Variants in ITGA8 observed in about 807,000 individuals in gnomAD.
ITGA8 encodes integrin alpha-8.
ITGA8 carries 91 observed loss-of-function variants against 142.3 expected under a neutral mutation model. The ratio of observed to expected loss-of-function variants is 0.64; its 90% CI spans 0.54 to 0.76. ITGA8 has a LOEUF of 0.76. Ranked by LOEUF, ITGA8 falls within the 30% of genes least tolerant of loss-of-function variation. The pLI is 0.00. For synonymous variants in ITGA8, 505 were observed against 485.2 expected (o/e 1.04, Z -0.54); for missense variants, 1,406 against 1,327.7 (o/e 1.06, Z -0.92).
intron 22 of ITGA8, 81 bp downstream of exon 22, chr10:15,592,144 G>A: frequency 1.0e-6 from 1 of 1,003,998 alleles, no homozygotes; most frequent in Non-Finnish European, 1.5e-6. Context: ...AAGGCCAAGG[G>A]CCTTGACAGA....
At chr10:15,553,499 C>T (rs958397999) in intron 26 of ITGA8, among the ~76,000 whole-genome samples, 6 of 152,048 alleles carry the variant, frequency 3.9e-5, no homozygotes, top group Non-Finnish European at 7.4e-5. Flanking sequence ...CTTTTAAAGC[C>T]ATTTTAACCA....
chr10:15,700,511 A>G (rs1835142234), intron 2 of ITGA8, among the ~76,000 whole-genome samples: 1 of 152,210 alleles, frequency 6.6e-6, no homozygotes, highest in African/African-American at 2.4e-5. Context: ...CGCAGTAAAC[A>G]TGCAAATAAG....
intron 2 of ITGA8, among the ~76,000 whole-genome samples, chr10:15,707,712 A>C (rs537498436): frequency 1.5e-4 from 22 of 151,528 alleles, no homozygotes; most frequent in Non-Finnish European, 3.1e-4. Flanking sequence ...AATCCCAGCT[A>C]CTCAGGAGGC....
intron 6 of ITGA8, among the ~76,000 whole-genome samples, chr10:15,677,062 C>T (rs1297882726): frequency 6.6e-6 from 1 of 152,088 alleles, no homozygotes; most frequent in East Asian, 1.9e-4. Flanking sequence ...TGCTTTTGTT[C>T]TCACTCATAC....
At chr10:15,676,296 C>A (rs997961164) in intron 6 of ITGA8, among the ~76,000 whole-genome samples, 7 of 152,188 alleles carry the variant, frequency 4.6e-5, no homozygotes, top group African/African-American at 1.7e-4. Context: ...TATGCAGCAC[C>A]TTAGCAAGAA....
chr10:15,677,866 T>G (rs1442533064), intron 5 of ITGA8, among the ~76,000 whole-genome samples: 1 of 152,200 alleles, frequency 6.6e-6, no homozygotes, highest in African/African-American at 2.4e-5. Context: ...CTCAATTAGG[T>G]AAGTTGAACT....
chr10:15,553,123 G>T (rs1833821719), intron 26 of ITGA8, among the ~76,000 whole-genome samples: 1 of 152,084 alleles, frequency 6.6e-6, no homozygotes, highest in Non-Finnish European at 1.5e-5. Context: ...CGGGCATGGT[G>T]GTGGGCACCT....
At position 15,673,394 on chromosome 10, in the gene ITGA8, T is replaced by A. The variant is rs538527959; in HGVS notation, c.677-645A>T. 3.9e-5 allele frequency among the ~76,000 whole-genome samples: 6 copies of A among 152,240 alleles called. No individual in the cohort carries two copies. In the East Asian group the frequency reaches 1.2e-3, roughly 29 times the overall value. On this transcript the variant is annotated intron_variant, in intron 6 of 29. Transcript: ENST00000378076. ...CACAGCGCCCGGCCATGATGTAATT[T>A]TTATTCTGGAATATTCCACCTGGAA...
intron 23 of ITGA8, among the ~76,000 whole-genome samples, chr10:15,576,515 C>A (rs1834300995): frequency 6.6e-6 from 1 of 152,154 alleles, no homozygotes; most frequent in African/African-American, 2.4e-5. Flanking sequence ...AGACTTTCAA[C>A]TGAAAGTAAC....
At position 15,552,143 on chromosome 10, in the gene ITGA8, CT is replaced by C. The variant is rs57515081; in HGVS notation, c.2767-3576del. Among the ~76,000 whole-genome samples, 428 of 146,780 alleles carry C rather than the reference CT, an allele frequency of 2.9e-3. 1 individual carries two copies. The highest frequency in any genetic ancestry group is 0.025 in the Middle Eastern group (7 of 278). On this transcript the variant is annotated intron_variant, in intron 26 of 29. Coordinates refer to ENST00000378076, the MANE Select transcript of ITGA8 (RefSeq NM_003638.3). ...CATACTTGAACTTTGATTTTTCTTT[CT>C]TTTTTTTTTTGAGACAGAGTCTCGC...
At chr10:15,693,871 T>A (rs926612370) in intron 2 of ITGA8, among the ~76,000 whole-genome samples, 2 of 151,482 alleles carry the variant, frequency 1.3e-5, no homozygotes, top group African/African-American at 4.8e-5. Context: ...GGTCCATAGG[T>A]TTTTTTTCTT....
chr10:15,531,386 CCAAGCATCCATCT>C (rs1833290252), intron 27 of ITGA8, among the ~76,000 whole-genome samples: 1 of 152,068 alleles, frequency 6.6e-6, no homozygotes, highest in African/African-American at 2.4e-5. Context: ...ATCCATCTAT[CCAAGCATCCATCT>C]ATCCAAGCAT....
rs571044286 is a variant in ITGA8 at position 15,607,757 on chromosome 10, G to A, written c.1684C>T (p.His562Tyr). 15 of 1,612,406 alleles carry A rather than the reference G, an allele frequency of 9.3e-6. No homozygotes were observed. The highest frequency in any genetic ancestry group is 2.2e-5 in the East Asian group (1 of 44,886). Residue 562 changes from histidine (H) to tyrosine (Y), a missense_variant, in exon 17 of 30, where the codon CAT becomes TAT. Transcript: ENST00000378076. ...AIKRTLFLDN[H>Y]QAHRVFPLVI... ...AGAGGGAAGACGCGATGAGCCTGATGGTTATCAAGGAAGAGCGTCCGTTTA... is the reference window on the plus strand; with the variant it reads ...AGAGGGAAGACGCGATGAGCCTGATAGTTATCAAGGAAGAGCGTCCGTTTA...
At position 15,514,095 on chromosome 10, in the gene ITGA8, A is replaced by G. The variant is rs1832920912; in HGVS notation, c.*3063T>C. 6.6e-6 allele frequency: 1 copy of G among 152,096 alleles called. No individual in the cohort carries two copies. The highest frequency in any genetic ancestry group is 2.1e-4 in the South Asian group (1 of 4,824). 9.4% of individuals were successfully genotyped at this position (152,096 alleles called of 1,614,324 possible). A position where few individuals can be genotyped will look rare whatever the true frequency, so the allele number is the denominator to read the frequency against. ...GGTGACTAGTACATATTATTTTTTT[A>G]TTTACTGTATAAAAATCTCCAAGTT... On this transcript the variant is annotated 3_prime_UTR_variant, in exon 30 of 30. Transcript: ENST00000378076.
chr10:15,522,789 A>T (rs1833094669), intron 28 of ITGA8, among the ~76,000 whole-genome samples: 1 of 152,194 alleles, frequency 6.6e-6, no homozygotes. Flanking sequence ...AGGCAGGTGG[A>T]TCACCTGAGG....
intron 2 of ITGA8, among the ~76,000 whole-genome samples, chr10:15,689,120 A>C (rs1211286472): frequency 6.6e-6 from 1 of 152,234 alleles, no homozygotes; most frequent in Non-Finnish European, 1.5e-5. Flanking sequence ...ACTATTTGAA[A>C]ATGATAAACA....
intron 4 of ITGA8, among the ~76,000 whole-genome samples, chr10:15,679,033 C>G (rs1348482452): frequency 6.6e-6 from 1 of 152,166 alleles, no homozygotes; most frequent in African/African-American, 2.4e-5. Flanking sequence ...TTTGGCTACT[C>G]TATTGGGTTT....
rs777523957 is a variant in ITGA8 at position 15,606,389 on chromosome 10, T to C, written c.1798A>G (p.Ile600Val). 2 of 1,604,424 alleles carry C rather than the reference T, an allele frequency of 1.2e-6. No individual in the cohort carries two copies. The highest frequency in any genetic ancestry group is 1.7e-5 in the Admixed American group (1 of 59,848). The change falls in exon 18 of 30, where the codon ATC (isoleucine) becomes GTC (valine). Residue 600 changes from isoleucine to valine, a missense_variant. Transcript: ENST00000378076. ...ETEFRDKLSP[I>V]NISLNYSLDE... ...AAACTGTAATTCAAACTAATGTTGA[T>C]TGGAGATAATTTATCTCGGAATTCA...
rs1331274499 is a variant in ITGA8 at position 15,515,040 on chromosome 10, G to T, written c.*2118C>A. On this transcript the variant is annotated 3_prime_UTR_variant, in exon 30 of 30. Transcript: ENST00000378076. ...TAAAGACAAGGGGTGCATTTTTTCA[G>T]GGACCTTTTAGGACCCCAAATCCCA... 1 of 151,992 alleles carries T rather than the reference G, an allele frequency of 6.6e-6. No individual in the cohort carries two copies. The highest frequency in any genetic ancestry group is 2.4e-5 in the African/African-American group (1 of 41,366). The allele number at this position is 151,992 out of a possible 1,614,324, so 9.4% of individuals were successfully genotyped here. A position where few individuals can be genotyped will look rare whatever the true frequency, so the allele number is the denominator to read the frequency against.
Sources: allele counts gnomAD v4.1 joint callset (sites outside exome capture counted in the v4.1 genomes callset), GRCh38; gene constraint gnomAD v4.1.1; transcripts MANE v1.5; gene names NCBI Gene and HGNC (gene_info 2026-07-23, HGNC 2026-07-21).